The following ACACB variants were observed in gnomAD, a reference collection of about 807,000 sequenced individuals.
ACACB encodes the protein acetyl-CoA carboxylase beta.
Under a neutral mutation model 278.8 loss-of-function variants are expected in ACACB, and 209 were observed. The ratio of observed to expected loss-of-function variants is 0.75; its 90% confidence interval spans 0.67 to 0.84. The LOEUF is 0.84. ACACB is among the 40% of genes least tolerant of loss of function. The probability of loss-of-function intolerance (pLI) is 0.00; values close to 1 mark genes in which losing one functional copy is unlikely to be tolerated. For synonymous variants in ACACB, 1,174 were observed against 1,285.6 expected (o/e 0.91, Z 1.86); for missense variants, 2,850 against 3,269.0 (o/e 0.87, Z 3.13).
chr12:109,253,721 T>G (rs949388814), intron 43 of ACACB, among the ~76,000 whole-genome samples: 1 of 152,180 alleles, frequency 6.6e-6, no homozygotes, highest in Admixed American at 6.5e-5. Context: ...TGAGTGAGGT[T>G]GTCATTCTTC....
intron 1 of ACACB, among the ~76,000 whole-genome samples, chr12:109,132,646 GA>G (rs2135987158): frequency 6.6e-6 from 1 of 152,308 alleles, no homozygotes; most frequent in South Asian, 2.1e-4. Flanking sequence ...TGAGGAAACT[GA>G]GGCTCAGAGA....
At chr12:109,212,668 TG>T (rs2045883501) in intron 21 of ACACB, among the ~76,000 whole-genome samples, 167 bp from the exon 22 acceptor site, 8 of 152,182 alleles carry the variant, frequency 5.3e-5, no homozygotes, top group Non-Finnish European at 1.2e-4. Flanking sequence ...TAAATACAGA[TG>T]AAGCTTCGCT....
chr12:109,121,990 A>C (rs1000901106), intron 1 of ACACB, among the ~76,000 whole-genome samples: 3 of 152,206 alleles, frequency 2.0e-5, no homozygotes, highest in African/African-American at 7.2e-5. Context: ...ACTGAAGCCA[A>C]CCATCAGAAA....
chr12:109,210,096 T>C (rs570702839), intron 21 of ACACB, among the ~76,000 whole-genome samples: 2,005 of 88,444 alleles, frequency 0.023, 249 homozygotes, highest in African/African-American at 0.075. Context: ...TATACACACA[T>C]GTGTGTGTAT....
chr12:109,260,469 T>G lies in ACACB; in HGVS notation c.6497-11T>G. The G allele has an allele frequency of 1.9e-6, 3 of 1,614,150 alleles. No homozygotes were observed. The South Asian group carries it at 3.3e-5, about 18-fold the overall frequency. On this transcript the variant is annotated splice_polypyrimidine_tract_variant and intron_variant, in intron 47 of 52. Transcript: ENST00000338432. ...GAGGGCCCTGAACTGGGAGGCTGCT[T>G]TGCTTTTCAGACATGTATGACCAGG...
chr12:109,192,030 T>G, intron 15 of ACACB, 80 bp downstream of exon 15: 1 of 1,441,822 alleles, frequency 6.9e-7, no homozygotes, highest in Non-Finnish European at 9.6e-7. Flanking sequence ...CCTTTATTTG[T>G]GTGGCCAGTT....
chr12:109,179,013 C>T (rs2044369241), intron 9 of ACACB, 75 bp from the exon 10 acceptor site: 4 of 1,401,316 alleles, frequency 2.9e-6, no homozygotes, highest in Admixed American at 1.9e-5. Context: ...GTTTTATGTT[C>T]TCTCCTGAGA....
intron 19 of ACACB, 68 bp from the exon 20 acceptor site, chr12:109,206,642 G>T: frequency 3.8e-6 from 6 of 1,589,226 alleles, no homozygotes; most frequent in Non-Finnish European, 5.2e-6. Flanking sequence ...CCTGCCTCCC[G>T]TTCTGCCCGG....
chr12:109,164,880 G>A (rs528727458), intron 2 of ACACB, among the ~76,000 whole-genome samples: 40 of 152,046 alleles, frequency 2.6e-4, no homozygotes, highest in African/African-American at 9.4e-4. Flanking sequence ...ACCACGCCTG[G>A]CCCTGAATAG....
intron 2 of ACACB, among the ~76,000 whole-genome samples, chr12:109,146,947 T>A (rs1005768823): frequency 6.6e-6 from 1 of 152,066 alleles, no homozygotes; most frequent in Non-Finnish European, 1.5e-5. Flanking sequence ...AGTACTGGGA[T>A]TACAGGAATA....
intron 21 of ACACB, among the ~76,000 whole-genome samples, chr12:109,210,863 G>A (rs1366920524): frequency 1.3e-5 from 2 of 149,672 alleles, no homozygotes; most frequent in Admixed American, 1.3e-4. Context: ...GCAGTGAGCC[G>A]AGATCGCACC....
intron 31 of ACACB, among the ~76,000 whole-genome samples, chr12:109,234,894 G>A (rs1483094514): frequency 6.6e-6 from 1 of 151,634 alleles, no homozygotes; most frequent in African/African-American, 2.4e-5. Flanking sequence ...AAGCCTGCAC[G>A]TTCTGCACAT....
chr12:109,246,989 G>A (rs1267241407), intron 39 of ACACB, among the ~76,000 whole-genome samples: 5 of 152,042 alleles, frequency 3.3e-5, no homozygotes, highest in Non-Finnish European at 5.9e-5. Flanking sequence ...GAAGTGGGAG[G>A]ATCACTTGGA....
chr12:109,209,878 C>A (rs1334341972), intron 21 of ACACB, among the ~76,000 whole-genome samples: 1 of 118,268 alleles, frequency 8.5e-6, no homozygotes, highest in South Asian at 2.7e-4. Context: ...CATACACACA[C>A]GTGTGTATAT....
intron 11 of ACACB, among the ~76,000 whole-genome samples, chr12:109,181,188 A>G (rs2044453607): frequency 6.9e-6 from 1 of 144,028 alleles, no homozygotes; most frequent in South Asian, 2.2e-4. Context: ...ATAGTACTCC[A>G]TTGTGTGTAT....
intron 1 of ACACB, among the ~76,000 whole-genome samples, chr12:109,122,572 CAAA>C (rs59516728): frequency 6.5e-5 from 4 of 61,836 alleles, no homozygotes; most frequent in Admixed American, 2.2e-4. Flanking sequence ...GACATTGTCT[CAAA>C]AAAAAAAAAA....
At chr12:109,260,395 C>T in intron 47 of ACACB, 85 bp from the exon 48 acceptor site, 2 of 1,549,502 alleles carry the variant, frequency 1.3e-6, no homozygotes, top group Non-Finnish European at 1.8e-6. Context: ...GCTCACTCTC[C>T]CAGGACCCCC....
At chr12:109,169,527 T>C (rs246094) in intron 4 of ACACB, among the ~76,000 whole-genome samples, 105,642 of 151,976 alleles carry the variant, frequency 0.7, 38,745 homozygotes, top group Middle Eastern at 0.87. Flanking sequence ...GGCTCCATCT[T>C]GAACCTCTTG....
In ACACB at chr12:109,242,588, G is replaced by A. The variant is rs1283768924; in HGVS notation, c.5174G>A (p.Arg1725Lys). The change falls in exon 37 of 53, where the codon AGG becomes AAG. Residue 1725 changes from arginine (R) to lysine (K), a missense_variant. This residue lies in a region of ACACB where 2,265 missense variants were observed against 2,561.3 expected (regional missense o/e 0.88). Coordinates refer to ENST00000338432, the MANE Select transcript of ACACB (RefSeq NM_001093.4). ...TYIYDFPEMFRQALFKLWGSP... is the reference protein window; with the variant it reads ...TYIYDFPEMFKQALFKLWGSP... Reference sequence around the variant, plus strand: ...ATCTATGACTTCCCGGAAATGTTCAGGCAGGCAAGTCCGGCGGCTCAGACG... The same window carrying A: ...ATCTATGACTTCCCGGAAATGTTCAAGCAGGCAAGTCCGGCGGCTCAGACG... The A allele has an allele frequency of 6.2e-7, 1 of 1,613,922 alleles. No individual in the cohort carries two copies. Among genetic ancestry groups the A allele is most frequent in the Non-Finnish European group, 8.5e-7 (1 of 1,179,936 alleles).
Sources: allele counts gnomAD v4.1 joint callset (sites outside exome capture counted in the v4.1 genomes callset), GRCh38; gene constraint gnomAD v4.1.1; regional missense constraint gnomAD v4.1.1; transcripts MANE v1.5; gene names NCBI Gene and HGNC (gene_info 2026-07-23, HGNC 2026-07-21).